PPP1R9A: variants seen among roughly 807,000 people sequenced by gnomAD.
The protein encoded by PPP1R9A is neurabin-1.
PPP1R9A carries 59 observed loss-of-function variants against 141.9 expected under a neutral mutation model. That is an observed-to-expected ratio of 0.42 (90% CI 0.34 to 0.52). PPP1R9A has a LOEUF of 0.52. PPP1R9A is among the 20% of genes least tolerant of loss of function. PPP1R9A has a pLI of 0.10. For missense variants in PPP1R9A, 1,444 were observed against 1,611.9 expected, an observed-to-expected ratio of 0.90 and a Z score of 1.78; for synonymous variants, 500 against 569.7, an observed-to-expected ratio of 0.88 and a Z score of 1.74.
At chr7:94,995,138 ATTACT>A (rs749610913) in intron 2 of PPP1R9A, among the ~76,000 whole-genome samples, 7 of 149,344 alleles carry the variant, frequency 4.7e-5, no homozygotes, top group Non-Finnish European at 8.9e-5. Context: ...ATTTTTTTTC[ATTACT>A]TTAAAGAAGT....
At chr7:95,250,423 T>C (rs966475874) in intron 10 of PPP1R9A, among the ~76,000 whole-genome samples, 168 bp downstream of exon 10, 1 of 152,242 alleles carries the variant, frequency 6.6e-6, no homozygotes, top group Non-Finnish European at 1.5e-5. Context: ...AAGTCACTTC[T>C]ATCACTTTTT....
chr7:95,198,524 T>C, intron 6 of PPP1R9A, 40 bp downstream of exon 6: 1 of 1,509,408 alleles, frequency 6.6e-7, no homozygotes, highest in East Asian at 2.3e-5. Flanking sequence ...CCACATTTTC[T>C]AATTCATGAA....
chr7:95,001,991 T>G (rs1802997889), intron 2 of PPP1R9A, among the ~76,000 whole-genome samples: 1 of 152,316 alleles, frequency 6.6e-6, no homozygotes, highest in South Asian at 2.1e-4. Flanking sequence ...AAGCCATGCT[T>G]TTTAGAAACC....
intron 5 of PPP1R9A, 149 bp downstream of exon 5, chr7:95,162,120 A>C: frequency 2.0e-6 from 1 of 495,840 alleles, no homozygotes; most frequent in East Asian, 3.2e-5. Context: ...TTTCACCTTT[A>C]TTATAATTAG....
chr7:94,926,258 G>A (rs532187892), intron 2 of PPP1R9A, among the ~76,000 whole-genome samples: 94 of 152,326 alleles, frequency 6.2e-4, no homozygotes, highest in African/African-American at 2.2e-3. Flanking sequence ...GCTTGCTGAA[G>A]CTGTTGTGCT....
At position 95,250,259 on chromosome 7, in the gene PPP1R9A, A is replaced by G. The variant is rs778219260; in HGVS notation, c.2396+4A>G. On this transcript the variant is annotated splice_donor_region_variant and intron_variant, in intron 10 of 19. Coordinates refer to ENST00000433360, the MANE Select transcript of PPP1R9A (RefSeq NM_001166160.2). The stretch of plus-strand genomic sequence containing the variant: ...TGATCAAGGATTTTCAACAAAAGTA[A>G]GCCGCTTCTAATAACTAAAGAATAG... 16 of 1,596,054 alleles carry G rather than the reference A, an allele frequency of 1.0e-5. No individual in the cohort carries two copies. Among genetic ancestry groups the G allele is most frequent in the Admixed American group, 8.8e-5 (5 of 56,814 alleles).
chr7:95,045,640 C>T (rs1809905844), intron 2 of PPP1R9A, among the ~76,000 whole-genome samples: 2 of 152,204 alleles, frequency 1.3e-5, no homozygotes, highest in South Asian at 4.1e-4. Context: ...GTGAAATTGC[C>T]TCTTTTTGGC....
intron 5 of PPP1R9A, among the ~76,000 whole-genome samples, chr7:95,164,045 C>A (rs186349505): frequency 2.8e-4 from 43 of 152,280 alleles, no homozygotes; most frequent in Admixed American, 1.6e-3. Context: ...GCCCCATGTG[C>A]AGGTTTTTGT....
intron 2 of PPP1R9A, among the ~76,000 whole-genome samples, chr7:95,105,960 T>C (rs902701469): frequency 2.6e-5 from 4 of 152,162 alleles, no homozygotes; most frequent in African/African-American, 9.7e-5. Flanking sequence ...ATTCAAAACA[T>C]GTTTATGAAA....
chr7:95,121,542 G>C (rs1822609979), intron 4 of PPP1R9A, among the ~76,000 whole-genome samples: 1 of 151,582 alleles, frequency 6.6e-6, no homozygotes, highest in Non-Finnish European at 1.5e-5. Context: ...CCTCATACTT[G>C]GCTCTGATAT....
In PPP1R9A at chr7:95,114,964, T is replaced by C. The variant is rs185313725; in HGVS notation, c.1528+3573T>C. 6.7e-3 allele frequency among the ~76,000 whole-genome samples: 1,010 copies of C among 150,770 alleles called. 16 individuals carry two copies. Among genetic ancestry groups the C allele is most frequent in the Non-Finnish European group, 7.2e-3 (491 of 67,746 alleles). On this transcript the variant is annotated intron_variant, in intron 3 of 19. Transcript: ENST00000433360. ...GAGGAAAAGCTATATCCTTGATTTC[T>C]TTCTTTAAAATAAAAAACTTGAAAA...
intron 2 of PPP1R9A, among the ~76,000 whole-genome samples, chr7:95,067,179 A>C (rs1267543981): frequency 1.3e-5 from 2 of 152,204 alleles, no homozygotes; most frequent in East Asian, 1.9e-4. Context: ...TCAGAAAGCT[A>C]CTGGAGTTGT....
chr7:95,046,659 T>A (rs1810058487), intron 2 of PPP1R9A, among the ~76,000 whole-genome samples: 1 of 152,236 alleles, frequency 6.6e-6, no homozygotes, highest in African/African-American at 2.4e-5. Flanking sequence ...CAGGGAATTC[T>A]CTGTCATGCA....
At chr7:95,015,622 A>G (rs1365998657) in intron 2 of PPP1R9A, among the ~76,000 whole-genome samples, 1 of 152,194 alleles carries the variant, frequency 6.6e-6, no homozygotes, top group Non-Finnish European at 1.5e-5. Context: ...TGTTAATATA[A>G]TTAGACTCTT....
chr7:94,934,112 TA>T (rs1250918057), intron 2 of PPP1R9A, among the ~76,000 whole-genome samples: 3 of 152,202 alleles, frequency 2.0e-5, no homozygotes, highest in Non-Finnish European at 4.4e-5. Flanking sequence ...GGCAGAGTCT[TA>T]AATCCACAAA....
At chr7:94,991,112 T>C (rs1028005766) in intron 2 of PPP1R9A, among the ~76,000 whole-genome samples, 9 of 152,242 alleles carry the variant, frequency 5.9e-5, no homozygotes, top group African/African-American at 2.2e-4. Flanking sequence ...ACTTCCATAC[T>C]GTTCTTCATA....
intron 2 of PPP1R9A, among the ~76,000 whole-genome samples, chr7:95,041,441 A>G (rs1033615954): frequency 1.3e-5 from 2 of 152,182 alleles, no homozygotes; most frequent in Non-Finnish European, 2.9e-5. Flanking sequence ...TTCATTTGTT[A>G]TCATATTTCA....
intron 2 of PPP1R9A, among the ~76,000 whole-genome samples, chr7:95,014,994 T>A (rs1804899020): frequency 6.6e-6 from 1 of 152,058 alleles, no homozygotes; most frequent in South Asian, 2.1e-4. Context: ...ATTCCTTGAA[T>A]TCTTCTTTAT....
At chr7:95,008,956 G>A (rs892219281) in intron 2 of PPP1R9A, among the ~76,000 whole-genome samples, 1 of 152,288 alleles carries the variant, frequency 6.6e-6, no homozygotes, top group East Asian at 1.9e-4. Flanking sequence ...GTACACCATG[G>A]AATACTATGC....
Sources: gnomAD v4.1 joint callset for allele counts (sites outside exome capture counted in the v4.1 genomes callset) on GRCh38, gnomAD v4.1.1 for gene constraint, MANE v1.5 for transcripts, NCBI Gene and HGNC (gene_info 2026-07-23, HGNC 2026-07-21) for gene names.